Variants in EGFLAM observed in about 807,000 individuals in gnomAD.
EGFLAM encodes the protein pikachurin.
Under a neutral mutation model 113.1 loss-of-function variants are expected in EGFLAM, and 79 were observed. The ratio of observed to expected loss-of-function variants is 0.70; its 90% CI spans 0.58 to 0.84. The LOEUF (loss-of-function observed/expected upper bound fraction) is 0.84. Among genes scored for constraint, EGFLAM ranks in the 40% least tolerant of loss-of-function variants. The pLI is 0.00. For synonymous variants in EGFLAM, 504 were observed against 487.6 expected (o/e 1.03, Z -0.44); for missense variants, 1,265 against 1,291.6 (o/e 0.98, Z 0.32).
Position 38,407,866 on chromosome 5 carries a change from G to T in EGFLAM, c.1209G>T (p.Lys403Asn). The T allele has an allele frequency of 6.2e-7, 1 of 1,613,856 alleles. No individual in the cohort carries two copies. The highest frequency in any genetic ancestry group is 1.1e-5 in the South Asian group (1 of 91,058). Residue 403 changes from lysine (K) to asparagine (N), a missense_variant, in exon 9 of 22, where the codon AAG (lysine) becomes AAT (asparagine). Coordinates refer to ENST00000322350, the MANE Select transcript of EGFLAM (RefSeq NM_152403.4). ...GHSYVTFEPL[K>N]NSYQAFQITL... The stretch of plus-strand genomic sequence containing the variant: ...CCTATGTAACGTTTGAACCTCTGAA[G>T]AATTCTTATCAGGCATTTCAAATTA...
rs185159214 is a variant in EGFLAM, at chr5:38,418,472, A to G, written c.1684+217A>G. 3.2e-4 allele frequency among the ~76,000 whole-genome samples: 48 copies of G among 152,312 alleles called. No individual in the cohort carries two copies. Among genetic ancestry groups the G allele is most frequent in the African/African-American group, 9.9e-4 (41 of 41,566 alleles). On this transcript the variant is annotated intron_variant, in intron 12 of 21. Coordinates refer to ENST00000322350, the MANE Select transcript of EGFLAM (RefSeq NM_152403.4). ...CATCTGAACACCAAGATATGGTAAC[A>G]GTATGGTGCACCAAACCCTGGTTCT...
chr5:38,381,380 G>A (rs1579845543), intron 6 of EGFLAM, among the ~76,000 whole-genome samples: 1 of 152,130 alleles, frequency 6.6e-6, no homozygotes, highest in Admixed American at 6.6e-5. Flanking sequence ...GGAGGGACGC[G>A]GTGCATGCTG....
chr5:38,435,342 C>A, intron 16 of EGFLAM, 89 bp downstream of exon 16: 1 of 954,216 alleles, frequency 1.0e-6, no homozygotes, highest in Non-Finnish European at 1.6e-6. Flanking sequence ...CTGCTGCACC[C>A]AAGAAAGACA....
chr5:38,455,666 T>C (rs375728409), intron 19 of EGFLAM, among the ~76,000 whole-genome samples: 3 of 152,068 alleles, frequency 2.0e-5, no homozygotes, highest in East Asian at 1.9e-4. Flanking sequence ...TGAAATCAGA[T>C]GGAATTGAAG....
chr5:38,449,525 G>A (rs1490350302), intron 18 of EGFLAM, among the ~76,000 whole-genome samples: 1 of 152,128 alleles, frequency 6.6e-6, no homozygotes, highest in Non-Finnish European at 1.5e-5. Flanking sequence ...AGCGTGAAAG[G>A]GGCCCAAGCC....
At position 38,258,580 on chromosome 5, in the gene EGFLAM, G is replaced by A. The variant is rs374899896; in HGVS notation, c.-175G>A. 1 of 616,194 alleles carries A rather than the reference G, an allele frequency of 1.6e-6. No homozygotes were observed. Among genetic ancestry groups the A allele is most frequent in the Middle Eastern group, 4.6e-4 (1 of 2,180 alleles). 38.2% of individuals were successfully genotyped at this position (616,194 alleles called of 1,614,324 possible). A position where few individuals can be genotyped will look rare whatever the true frequency, so the allele number is the denominator to read the frequency against. On this transcript the variant is annotated 5_prime_UTR_variant, in exon 1 of 22. Coordinates refer to ENST00000322350, the MANE Select transcript of EGFLAM (RefSeq NM_152403.4). ...CTTCACTCGCGCACGCCGACCTCCC[G>A]GCTGCAGTCCTACCTCTTGGAACTA...
At position 38,386,951 on chromosome 5, in the gene EGFLAM, C is replaced by T. The variant is rs185710917; in HGVS notation, c.712+16489C>T. On this transcript the variant is annotated intron_variant, in intron 6 of 21. Transcript: ENST00000322350. ...GATATCAAGAAAATGCTCTGCAGCA[C>T]GGAGGAGGGGTAATGCTGGTTTTGT... Among the ~76,000 whole-genome samples the T allele has an allele frequency of 3.3e-3, 496 of 152,272 alleles. 3 individuals carry two copies. The highest frequency in any genetic ancestry group is 6.0e-3 in the Admixed American group (91 of 15,292).
intron 8 of EGFLAM, among the ~76,000 whole-genome samples, chr5:38,407,372 C>T (rs1325881302): frequency 1.3e-5 from 2 of 152,140 alleles, no homozygotes; most frequent in Non-Finnish European, 2.9e-5. Context: ...ATGTGTAGTC[C>T]CTTTAAAGCA....
chr5:38,407,158 G>C lies in EGFLAM; in HGVS notation c.1147+12G>C. ...GAGCTGCTCAGAAGGTAGGCCCTTG[G>C]GGGAGAGGAAGAAGTGGTGATGAAT... On this transcript the variant is annotated intron_variant, in intron 8 of 21. Coordinates refer to ENST00000322350, the MANE Select transcript of EGFLAM (RefSeq NM_152403.4). The C allele has an allele frequency of 1.3e-6, 2 of 1,578,888 alleles. No homozygotes were observed. Among genetic ancestry groups the C allele is most frequent in the Non-Finnish European group, 8.5e-7 (1 of 1,172,982 alleles).
intron 1 of EGFLAM, among the ~76,000 whole-genome samples, chr5:38,295,340 A>C (rs1758427546): frequency 6.6e-6 from 1 of 152,260 alleles, no homozygotes; most frequent in Admixed American, 6.5e-5. Flanking sequence ...CTTGGAAAGG[A>C]AAGCATATTT....
At chr5:38,388,917 GA>G (rs770527595) in intron 6 of EGFLAM, among the ~76,000 whole-genome samples, 4,596 of 61,046 alleles carry the variant, frequency 0.075, 246 homozygotes, top group African/African-American at 0.23. Flanking sequence ...CCTGTCTCAA[GA>G]AAAAAAAAAA....
chr5:38,420,639 G>A (rs894674738), intron 12 of EGFLAM, among the ~76,000 whole-genome samples: 6 of 152,130 alleles, frequency 3.9e-5, no homozygotes, highest in Non-Finnish European at 8.8e-5. Flanking sequence ...TATTAATATT[G>A]TTATTCATAT....
intron 1 of EGFLAM, among the ~76,000 whole-genome samples, chr5:38,270,490 GA>G (rs11375351): frequency 1.1e-4 from 13 of 119,420 alleles, no homozygotes; most frequent in South Asian, 5.3e-4. Context: ...CATTAGTTTG[GA>G]AAAAAAAAAA....
intron 7 of EGFLAM, 59 bp downstream of exon 7, chr5:38,406,300 C>A: frequency 7.1e-7 from 1 of 1,406,694 alleles, no homozygotes; most frequent in Non-Finnish European, 1.0e-6. Flanking sequence ...CCGAACAAGA[C>A]AATTTAGCCA....
chr5:38,278,064 A>G (rs998016834), intron 1 of EGFLAM, among the ~76,000 whole-genome samples: 2 of 152,206 alleles, frequency 1.3e-5, no homozygotes, highest in African/African-American at 4.8e-5. Flanking sequence ...TGGAACCACA[A>G]AAGGCCCCAA....
At chr5:38,446,473 C>A (rs953884012) in intron 17 of EGFLAM, among the ~76,000 whole-genome samples, 5 of 152,096 alleles carry the variant, frequency 3.3e-5, no homozygotes, top group Admixed American at 6.6e-5. Context: ...CGTCCTCTTG[C>A]CATTTTGCCC....
rs1757408727 is a variant in EGFLAM, at chr5:38,258,592, A to C, written c.-163A>C. 4.0e-6 allele frequency: 3 copies of C among 754,082 alleles called. No individual in the cohort carries two copies. Among genetic ancestry groups the C allele is most frequent in the African/African-American group, 1.8e-5 (1 of 55,654 alleles). The allele number at this position is 754,082 out of a possible 1,614,324, so 46.7% of individuals were successfully genotyped here. A position where few individuals can be genotyped will look rare whatever the true frequency, so the allele number is the denominator to read the frequency against. On this transcript the variant is annotated 5_prime_UTR_variant, in exon 1 of 22. Coordinates refer to ENST00000322350, the MANE Select transcript of EGFLAM (RefSeq NM_152403.4). The stretch of plus-strand genomic sequence containing the variant: ...ACGCCGACCTCCCGGCTGCAGTCCT[A>C]CCTCTTGGAACTACCCGTGTTTCCG...
At chr5:38,355,354 G>A (rs888193723) in intron 5 of EGFLAM, among the ~76,000 whole-genome samples, 1 of 152,148 alleles carries the variant, frequency 6.6e-6, no homozygotes, top group Non-Finnish European at 1.5e-5. Flanking sequence ...GATGAAGGGG[G>A]GAGTCTGGAG....
chr5:38,383,664 T>A (rs1407576807), intron 6 of EGFLAM, among the ~76,000 whole-genome samples: 1 of 152,146 alleles, frequency 6.6e-6, no homozygotes, highest in East Asian at 1.9e-4. Context: ...GTGAAATAAG[T>A]CTGTATCACA....
Sources: allele counts gnomAD v4.1 joint callset (sites outside exome capture counted in the v4.1 genomes callset), GRCh38; gene constraint gnomAD v4.1.1; transcripts MANE v1.5; gene names NCBI Gene and HGNC (gene_info 2026-07-23, HGNC 2026-07-21).